The following KCNJ14 variants were observed in gnomAD, a reference collection of about 807,000 sequenced individuals.
The protein encoded by KCNJ14 is potassium inwardly rectifying channel subfamily J member 14.
Under a neutral mutation model 24.5 loss-of-function variants are expected in KCNJ14, and 18 were observed. The observed-to-expected ratio is 0.74, with a 90% CI of 0.51 to 1.09. The LOEUF (loss-of-function observed/expected upper bound fraction) is 1.09. Among genes scored for constraint, KCNJ14 ranks in the 50% least tolerant of loss-of-function variants. The pLI is 0.00. For synonymous variants in KCNJ14, 288 were observed against 270.8 expected, an observed-to-expected ratio of 1.06 and a Z score of -0.63; for missense variants, 633 against 623.0, an observed-to-expected ratio of 1.02 and a Z score of -0.17.
In KCNJ14 at chr19:48,464,447, G is replaced by T; in HGVS notation, c.981G>T (p.Trp327Cys). 1 of 1,613,814 alleles carries T rather than the reference G, an allele frequency of 6.2e-7. No individual in the cohort carries two copies. The highest frequency in any genetic ancestry group is 2.2e-5 in the East Asian group (1 of 44,858). ...CCTACCTCCCTGGTGAACTGCTCTG[G>T]GGCCATCGTTTTGAGCCAGTTCTCT... ...RSSYLPGELL[W>C]GHRFEPVLFQ... Residue 327 changes from tryptophan to cysteine, a missense_variant, in exon 3 of 3, where the codon TGG becomes TGT. Transcript: ENST00000342291.
In KCNJ14 at chr19:48,464,271, G is replaced by A. The variant is rs374178623; in HGVS notation, c.805G>A (p.Val269Met). The change falls in exon 3 of 3, where the codon GTG becomes ATG. Residue 269 changes from valine to methionine, a missense_variant. Coordinates refer to ENST00000342291, the MANE Select transcript of KCNJ14 (RefSeq NM_013348.4). ...FDGGTDRIFL[V>M]SPITIVHEID... Reference sequence around the variant, plus strand: ...TGGAGGCACCGATCGTATCTTCCTCGTGTCCCCCATCACCATCGTCCATGA... The same window carrying A: ...TGGAGGCACCGATCGTATCTTCCTCATGTCCCCCATCACCATCGTCCATGA... The A allele has an allele frequency of 1.3e-5, 21 of 1,613,852 alleles. No individual in the cohort carries two copies. The highest frequency in any genetic ancestry group is 6.7e-5 in the African/African-American group (5 of 74,870).
chr19:48,457,334 C>T (rs992397503), intron 1 of KCNJ14, among the ~76,000 whole-genome samples: 10 of 152,170 alleles, frequency 6.6e-5, no homozygotes, highest in Non-Finnish European at 8.8e-5. Context: ...TTTGACCTGT[C>T]ATCCATCACA....
chr19:48,461,340 A>AG (rs1357689026), intron 1 of KCNJ14: 43 of 132,792 alleles, frequency 3.2e-4, no homozygotes, highest in African/African-American at 1.4e-3. Flanking sequence ...GTCTCAAAAA[A>AG]AAAAAGAAAA....
chr19:48,463,511 A>C (rs1180020180), intron 2 of KCNJ14, among the ~76,000 whole-genome samples: 2 of 152,058 alleles, frequency 1.3e-5, no homozygotes, highest in African/African-American at 2.4e-5. Context: ...GGGGTGAAAT[A>C]CCCACACCCC....
At position 48,461,730 on chromosome 19, in the gene KCNJ14, C is replaced by T; in HGVS notation, c.6C>T (p.Gly2=). Residue 2 remains glycine (G), a synonymous_variant, in exon 2 of 3, where the codon GGC becomes GGT. Coordinates refer to ENST00000342291, the MANE Select transcript of KCNJ14 (RefSeq NM_013348.4). ...GGAGGGGGTCCCTCCGTCCAATGGGCCTGGCCAGGGCCCTACGCCGCCTCA... is the reference window on the plus strand; with the variant it reads ...GGAGGGGGTCCCTCCGTCCAATGGGTCTGGCCAGGGCCCTACGCCGCCTCA... M[G]LARALRRLSG... is the part of the protein sequence containing the mutation. 9 of 1,416,884 alleles carry T rather than the reference C, an allele frequency of 6.4e-6. 1 individual carries two copies. In the South Asian group the frequency reaches 1.2e-4, roughly 19 times the overall value. 87.8% of individuals were successfully genotyped at this position (1,416,884 alleles called of 1,614,324 possible). A position where few individuals can be genotyped will look rare whatever the true frequency, so the allele number is the denominator to read the frequency against.
chr19:48,458,440 G>A (rs1569082437), intron 1 of KCNJ14, among the ~76,000 whole-genome samples: 1 of 152,170 alleles, frequency 6.6e-6, no homozygotes, highest in Non-Finnish European at 1.5e-5. Context: ...ATGATGTTGA[G>A]CATCTTTTCA....
chr19:48,464,077 C>A, intron 2 of KCNJ14, 104 bp from the exon 3 acceptor site: 1 of 813,694 alleles, frequency 1.2e-6, no homozygotes, highest in Non-Finnish European at 2.1e-6. Context: ...TTCTTCACTC[C>A]TGTGGTCTTT....
chr19:48,462,162 G>A lies in KCNJ14; in HGVS notation c.438G>A (p.Thr146=). The change falls in exon 2 of 3, where the codon ACG becomes ACA. Residue 146 remains threonine (T), a synonymous_variant. Coordinates refer to ENST00000342291, the MANE Select transcript of KCNJ14 (RefSeq NM_013348.4). This position sits in a 1 kb window ranked among gnomAD's most constrained non-coding sequence, Gnocchi z 4.9. ...AAFLFALETQ[T]SIGYGVRSVT... ...TCCTCTTCGCGCTGGAGACGCAGAC[G>A]TCCATCGGCTACGGCGTGCGCAGCG... The A allele has an allele frequency of 1.3e-6, 2 of 1,581,932 alleles. No homozygotes were observed. The highest frequency in any genetic ancestry group is 8.6e-7 in the Non-Finnish European group (1 of 1,164,864).
chr19:48,466,918 T>C lies in KCNJ14; in HGVS notation c.*2141T>C, dbSNP rs1195131635. 6.6e-6 allele frequency: 1 copy of C among 152,160 alleles called. No homozygotes were observed. The highest frequency in any genetic ancestry group is 2.4e-5 in the African/African-American group (1 of 41,410). 9.4% of individuals were successfully genotyped at this position (152,160 alleles called of 1,614,324 possible). A position where few individuals can be genotyped will look rare whatever the true frequency, so the allele number is the denominator to read the frequency against. ...GCTCTGGACACCAGGGTTCTTCCCATTGTGGGAGAGTGAGTGTTTTAGGGG... is the reference window on the plus strand; with the variant it reads ...GCTCTGGACACCAGGGTTCTTCCCACTGTGGGAGAGTGAGTGTTTTAGGGG... On this transcript the variant is annotated 3_prime_UTR_variant, in exon 3 of 3. Transcript: ENST00000342291.
chr19:48,458,969 G>A (rs1394539544), intron 1 of KCNJ14, among the ~76,000 whole-genome samples: 4 of 147,102 alleles, frequency 2.7e-5, no homozygotes, highest in African/African-American at 1.0e-4. Context: ...AGCCGGGGGT[G>A]GTGGCTCACG....
chr19:48,461,202 C>T (rs1183858346), intron 1 of KCNJ14: 2 of 152,072 alleles, frequency 1.3e-5, no homozygotes, highest in Non-Finnish European at 2.9e-5. Flanking sequence ...TGCCTGTAAT[C>T]CCAGCTACTT....
chr19:48,463,201 A>G (rs989089170), intron 2 of KCNJ14, among the ~76,000 whole-genome samples: 9 of 151,648 alleles, frequency 5.9e-5, no homozygotes, highest in African/African-American at 2.2e-4. Context: ...TTCCCAAGAA[A>G]CTCTGGGCCG....
Position 48,466,065 on chromosome 19 carries a change from A to G in KCNJ14, c.*1288A>G, listed in dbSNP as rs1601014302. 1 of 149,878 alleles carries G rather than the reference A, an allele frequency of 6.7e-6. No homozygotes were observed. The highest frequency in any genetic ancestry group is 3.5e-3 in the Middle Eastern group (1 of 288). The allele number at this position is 149,878 out of a possible 1,614,324, so 9.3% of individuals were successfully genotyped here. ...ACCCTACACCTAGTGATGTGTGTCT[A>G]TTTCTTTTTCTTTTTCTTTTTTTTT... On this transcript the variant is annotated 3_prime_UTR_variant, in exon 3 of 3. Coordinates refer to ENST00000342291, the MANE Select transcript of KCNJ14 (RefSeq NM_013348.4).
intron 1 of KCNJ14, among the ~76,000 whole-genome samples, chr19:48,460,573 C>A (rs372520919): frequency 2.0e-5 from 3 of 152,216 alleles, no homozygotes; most frequent in Non-Finnish European, 4.4e-5. Flanking sequence ...ACTTTCTGTG[C>A]TTCAGTTTCC....
At chr19:48,459,827 A>G (rs1351720306) in intron 1 of KCNJ14, among the ~76,000 whole-genome samples, 1 of 151,984 alleles carries the variant, frequency 6.6e-6, no homozygotes, top group Non-Finnish European at 1.5e-5. Flanking sequence ...TCAGGAGTTC[A>G]AGACCAGCCT....
chr19:48,463,560 T>A (rs933984271), intron 2 of KCNJ14, among the ~76,000 whole-genome samples: 3 of 152,082 alleles, frequency 2.0e-5, no homozygotes, highest in Non-Finnish European at 2.9e-5. Context: ...ATGGAAGGGT[T>A]TGCAGTTGCC....
At chr19:48,461,515 G>T (rs1231873188) in intron 1 of KCNJ14, 155 bp from the exon 2 acceptor site, 2 of 346,960 alleles carry the variant, frequency 5.8e-6, no homozygotes, top group Admixed American at 5.2e-5. Context: ...GCGACAGAGC[G>T]AGACTCTGTC....
intron 1 of KCNJ14, 128 bp from the exon 2 acceptor site, chr19:48,461,542 A>T: frequency 2.5e-6 from 1 of 393,060 alleles, no homozygotes; most frequent in Non-Finnish European, 4.4e-6. Context: ...AAAAAAAAAA[A>T]AAAAAAAATG....
At position 48,462,099 on chromosome 19, in the gene KCNJ14, G is replaced by A. The variant is rs760156481; in HGVS notation, c.375G>A (p.Ala125=). The A allele has an allele frequency of 5.0e-6, 8 of 1,601,668 alleles. No individual in the cohort carries two copies. The highest frequency in any genetic ancestry group is 2.2e-5 in the South Asian group (2 of 89,562). The change falls in exon 2 of 3, where the codon GCG becomes GCA. Residue 125 remains alanine (A), a synonymous_variant. Transcript: ENST00000342291. This position sits in a 1 kb window ranked among gnomAD's most constrained non-coding sequence, Gnocchi z 4.9. ...HGDLAAPPPP[A]PCFSHVASFL... ...ACCTGGCCGCCCCGCCACCGCCCGC[G>A]CCCTGCTTCTCACACGTGGCCAGCT... is the stretch of plus-strand genomic sequence containing the variant.
Sources: allele counts gnomAD v4.1 joint callset (sites outside exome capture counted in the v4.1 genomes callset), GRCh38; gene constraint gnomAD v4.1.1; non-coding constraint Gnocchi (gnomAD v3.1); transcripts MANE v1.5; gene names NCBI Gene and HGNC (gene_info 2026-07-23, HGNC 2026-07-21).